The following VAV1 variants were observed in gnomAD, a reference collection of about 807,000 sequenced individuals.
VAV1 encodes the protein vav guanine nucleotide exchange factor 1.
Under a neutral mutation model 128.1 loss-of-function variants are expected in VAV1, and 33 were observed. The observed-to-expected ratio is 0.26, with a 90% CI of 0.20 to 0.34. The LOEUF is 0.34. VAV1 is among the 10% of genes least tolerant of loss of function. The pLI is 1.00. For synonymous variants in VAV1, 394 were observed against 409.8 expected (o/e 0.96, Z 0.47); for missense variants, 715 against 1,093.7 (o/e 0.65, Z 4.88).
intron 1 of VAV1, among the ~76,000 whole-genome samples, chr19:6,793,733 G>T (rs537711997): frequency 6.6e-6 from 1 of 152,232 alleles, no homozygotes; most frequent in Admixed American, 6.5e-5. Flanking sequence ...CGGGAGTGGG[G>T]TTAATCAGAA....
intron 1 of VAV1, among the ~76,000 whole-genome samples, chr19:6,776,056 C>T (rs1299396495): frequency 6.6e-6 from 1 of 151,516 alleles, no homozygotes; most frequent in Non-Finnish European, 1.5e-5. Flanking sequence ...ATCCATCCAT[C>T]TACCCATCCA....
At chr19:6,823,917 G>GT (rs1186946181) in intron 6 of VAV1, among the ~76,000 whole-genome samples, 14 of 151,442 alleles carry the variant, frequency 9.2e-5, no homozygotes, top group African/African-American at 4.9e-5. Flanking sequence ...GTTTTGTTTT[G>GT]GTTTTTTTTG....
At chr19:6,776,076 T>TTATCCATCCATCCATC (rs2144683611) in intron 1 of VAV1, among the ~76,000 whole-genome samples, 1 of 112,026 alleles carries the variant, frequency 8.9e-6, no homozygotes, top group South Asian at 3.2e-4. Context: ...ATCCATCCAT[T>TTATCCATCCATCCATC]TATCCATCCA....
chr19:6,831,962 A>G (rs1158065393), intron 14 of VAV1, 129 bp from the exon 15 acceptor site: 1 of 678,108 alleles, frequency 1.5e-6, no homozygotes, highest in African/African-American at 1.9e-5. Context: ...AAGGATATCC[A>G]TGCATGGTGC....
At chr19:6,794,894 T>C (rs1971096124) in intron 1 of VAV1, among the ~76,000 whole-genome samples, 1 of 152,152 alleles carries the variant, frequency 6.6e-6, no homozygotes, top group African/African-American at 2.4e-5. Context: ...GGAACTAGAA[T>C]GCTCTGGAGG....
At chr19:6,774,478 C>T (rs1411570452) in intron 1 of VAV1, among the ~76,000 whole-genome samples, 1 of 137,272 alleles carries the variant, frequency 7.3e-6, no homozygotes, top group Non-Finnish European at 1.5e-5. Context: ...CTCTGTCGCC[C>T]AGGCTGGAGG....
intron 1 of VAV1, among the ~76,000 whole-genome samples, chr19:6,787,150 ATC>A (rs112036295): frequency 1.4e-5 from 2 of 147,820 alleles, no homozygotes; most frequent in African/African-American, 5.0e-5. Flanking sequence ...TGGTCTTTCC[ATC>A]TCTCTCTCTC....
At position 6,820,902 on chromosome 19, in the gene VAV1, G is replaced by C; in HGVS notation, c.321+84G>C. The C allele has an allele frequency of 7.5e-7, 1 of 1,330,350 alleles. No individual in the cohort carries two copies. The highest frequency in any genetic ancestry group is 1.1e-6 in the Non-Finnish European group (1 of 928,548). The allele number at this position is 1,330,350 out of a possible 1,614,324, so 82.4% of individuals were successfully genotyped here. The stretch of plus-strand genomic sequence containing the variant: ...CACTGGGCAAGCTAAGGACTGTCAG[G>C]GGACAGGCAGACAAGCCAGACCAGG... On this transcript the variant is annotated intron_variant, in intron 2 of 26. Transcript: ENST00000602142. This position sits in a 1 kb window ranked among gnomAD's most constrained non-coding sequence, Gnocchi z 4.4.
intron 4 of VAV1, 109 bp downstream of exon 4, chr19:6,821,968 G>A (rs1971800510): frequency 6.9e-7 from 1 of 1,451,706 alleles, no homozygotes. Context: ...ATACCCTGGT[G>A]TCTGGGGCAC....
intron 1 of VAV1, among the ~76,000 whole-genome samples, chr19:6,783,714 C>T (rs1236952075): frequency 2.6e-5 from 4 of 151,970 alleles, no homozygotes; most frequent in East Asian, 1.9e-4. Flanking sequence ...GTGATCCACT[C>T]GCCTCGGCCT....
intron 21 of VAV1, among the ~76,000 whole-genome samples, chr19:6,838,393 A>G (rs540320314): frequency 3.8e-3 from 33 of 8,664 alleles, no homozygotes; most frequent in South Asian, 0.016. Flanking sequence ...CAGTTCTTCT[A>G]TCCATCCATC....
rs1167059665 is a variant in VAV1, at chr19:6,856,566, A to G, written c.2485-488A>G. Among the ~76,000 whole-genome samples, 5 of 151,570 alleles carry G rather than the reference A, an allele frequency of 3.3e-5. No individual in the cohort carries two copies. The East Asian group carries it at 9.7e-4, about 30-fold the overall frequency. Reference sequence around the variant, plus strand: ...GTGAAACCCCGTCTCTACTAAAAATACAAAAAAATTAGCCGGGTGTGGTGG... The same window carrying G: ...GTGAAACCCCGTCTCTACTAAAAATGCAAAAAAATTAGCCGGGTGTGGTGG... On this transcript the variant is annotated intron_variant, in intron 26 of 26. Coordinates refer to ENST00000602142, the MANE Select transcript of VAV1 (RefSeq NM_005428.4).
chr19:6,848,366 C>T (rs1972577363), intron 23 of VAV1, among the ~76,000 whole-genome samples: 1 of 151,922 alleles, frequency 6.6e-6, no homozygotes, highest in Admixed American at 6.6e-5. Flanking sequence ...TCAGAGTCTC[C>T]CTCTGTCGCC....
At chr19:6,856,106 C>G (rs1261599435) in intron 26 of VAV1, among the ~76,000 whole-genome samples, 1 of 152,078 alleles carries the variant, frequency 6.6e-6, no homozygotes, top group Admixed American at 6.6e-5. Context: ...ACCCGCCTGG[C>G]CAACATGGCG....
At chr19:6,794,037 G>A (rs1402666891) in intron 1 of VAV1, among the ~76,000 whole-genome samples, 1 of 140,242 alleles carries the variant, frequency 7.1e-6, no homozygotes, top group Non-Finnish European at 1.6e-5. Flanking sequence ...TAAACCAACG[G>A]TAAATGATTT....
At position 6,825,392 on chromosome 19, in the gene VAV1, C is replaced by T. The variant is rs753340238; in HGVS notation, c.813C>T (p.Ile271=). The change falls in exon 8 of 27, where the codon ATC becomes ATT. Residue 271 remains isoleucine (I), a synonymous_variant. Transcript: ENST00000602142. ...PGAANLYQVF[I]KYKERFLVYG... ...CAGCCAATCTCTACCAGGTCTTCAT[C>T]AAATACAAGGAGAGGTGAGACCCAG... 1.2e-6 allele frequency: 2 copies of T among 1,612,936 alleles called. No homozygotes were observed. The highest frequency in any genetic ancestry group is 3.3e-5 in the Admixed American group (2 of 59,970).
At chr19:6,845,347 T>G (rs555291485) in intron 22 of VAV1, among the ~76,000 whole-genome samples, 1 of 152,216 alleles carries the variant, frequency 6.6e-6, no homozygotes, top group Admixed American at 6.5e-5. Context: ...ATTGCGCCAT[T>G]GCACTCCAGC....
intron 1 of VAV1, among the ~76,000 whole-genome samples, chr19:6,775,109 G>A (rs1283162451): frequency 6.6e-6 from 1 of 151,968 alleles, no homozygotes; most frequent in Non-Finnish European, 1.5e-5. Context: ...TCCTCAGCTG[G>A]GACAGGGCTT....
At chr19:6,807,066 A>C (rs1055908235) in intron 1 of VAV1, among the ~76,000 whole-genome samples, 1 of 152,100 alleles carries the variant, frequency 6.6e-6, no homozygotes, top group Admixed American at 6.6e-5. Context: ...TATCATCTAA[A>C]CCTATAGAGC....
Sources: allele counts gnomAD v4.1 joint callset (sites outside exome capture counted in the v4.1 genomes callset), GRCh38; gene constraint gnomAD v4.1.1; non-coding constraint Gnocchi (gnomAD v3.1); transcripts MANE v1.5; gene names NCBI Gene and HGNC (gene_info 2026-07-23, HGNC 2026-07-21).